Variants in GATB observed in about 807,000 individuals in gnomAD.
GATB encodes glutamyl-tRNA amidotransferase subunit B.
A neutral mutation model predicts 62.3 loss-of-function variants in GATB; 39 were observed. The ratio of observed to expected loss-of-function variants is 0.63; its 90% CI spans 0.48 to 0.82. The LOEUF (loss-of-function observed/expected upper bound fraction) is 0.82. GATB is among the 40% of genes least tolerant of loss of function. The pLI is 0.00. For missense variants in GATB, 670 were observed against 684.0 expected (o/e 0.98, Z 0.23); for synonymous variants, 276 against 258.9 (o/e 1.07, Z -0.63).
At chr4:151,697,965 A>ATATATATATATGTGTATG (rs1738515829) in intron 9 of GATB, among the ~76,000 whole-genome samples, 1 of 109,050 alleles carries the variant, frequency 9.2e-6, no homozygotes, top group African/African-American at 5.0e-5. Context: ...ATATATATAT[A>ATATATATATATGTGTATG]TATATATATA....
intron 2 of GATB, among the ~76,000 whole-genome samples, chr4:151,744,071 T>C (rs535738563): frequency 2.2e-4 from 33 of 152,330 alleles, no homozygotes; most frequent in Non-Finnish European, 4.1e-4. Flanking sequence ...CACACCTCAA[T>C]AGACCTTGAA....
chr4:151,716,661 T>A (rs1738918545), intron 4 of GATB, among the ~76,000 whole-genome samples: 1 of 152,194 alleles, frequency 6.6e-6, no homozygotes, highest in Non-Finnish European at 1.5e-5. Flanking sequence ...TTGTCTAACT[T>A]CAGGGTGAGT....
chr4:151,760,131 G>C (rs1739921909), intron 1 of GATB, among the ~76,000 whole-genome samples: 1 of 152,122 alleles, frequency 6.6e-6, no homozygotes, highest in South Asian at 2.1e-4. Context: ...ATGCCAACTA[G>C]TCTCAAAGAA....
At chr4:151,706,267 G>A (rs1169280598) in intron 6 of GATB, among the ~76,000 whole-genome samples, 1 of 152,214 alleles carries the variant, frequency 6.6e-6, no homozygotes, top group Non-Finnish European at 1.5e-5. Context: ...CAGACCACAG[G>A]GAGATTTCTC....
intron 2 of GATB, among the ~76,000 whole-genome samples, chr4:151,726,287 T>C (rs902548349): frequency 1.3e-5 from 2 of 152,226 alleles, no homozygotes; most frequent in Non-Finnish European, 2.9e-5. Flanking sequence ...AAATTTTCAT[T>C]ACAGTTGAGA....
chr4:151,758,924 T>A lies in GATB; in HGVS notation c.177-2A>T. The stretch of plus-strand genomic sequence containing the variant: ...ACCACAGCAGCCCATTTGTGTTCAC[T>A]AAGAAGAAAGAGATAATGGTTAAGA... On this transcript the variant is annotated splice_acceptor_variant, in intron 1 of 12. Coordinates refer to ENST00000263985, the MANE Select transcript of GATB (RefSeq NM_004564.3). LOFTEE classifies it high-confidence loss of function. 6.3e-7 allele frequency: 1 copy of A among 1,596,746 alleles called. No homozygotes were observed. Among genetic ancestry groups the A allele is most frequent in the Non-Finnish European group, 8.5e-7 (1 of 1,172,216 alleles).
rs777749122 is a variant in GATB, at chr4:151,672,809, C to T, written c.1498G>A (p.Ala500Thr). Residue 500 changes from alanine to threonine, a missense_variant, in exon 12 of 13, where the codon GCA becomes ACA. Coordinates refer to ENST00000263985, the MANE Select transcript of GATB (RefSeq NM_004564.3). ...KQLELMQDQG[A>T]LEQLCHSVME... ...ACAGAGTGGCAGAGCTGCTCCAGTG[C>T]CCCCTGGTCCTGCATCAGTTCAAGC... 5 of 1,614,058 alleles carry T rather than the reference C, an allele frequency of 3.1e-6. No individual in the cohort carries two copies. In the East Asian group the frequency reaches 6.7e-5, roughly 22 times the overall value.
chr4:151,688,728 C>G lies in GATB; in HGVS notation c.1233G>C (p.Val411=). ...TTGGCTCTGCCCTAGTTTCTTTTAT[C>G]ACATTTTGGAAGAACTCCAGTAGGC... The part of the protein sequence containing the change: ...EVGLLEFFQN[V]IKETRAEPKK... Residue 411 remains valine, a synonymous_variant, in exon 10 of 13, where the codon GTG becomes GTC. Transcript: ENST00000263985. The G allele has an allele frequency of 5.0e-6, 8 of 1,610,614 alleles. No homozygotes were observed. The highest frequency in any genetic ancestry group is 6.8e-6 in the Non-Finnish European group (8 of 1,179,054).
At position 151,716,913 on chromosome 4, in the gene GATB, G is replaced by A. The variant is rs1246972228; in HGVS notation, c.603C>T (p.Asn201=). The change falls in exon 4 of 13, where the codon AAC becomes AAT. Residue 201 remains asparagine (N), a synonymous_variant. Transcript: ENST00000263985. ...AATCAATGAGCGTCTGAGACCTCAG[G>A]TTGTCGTGGAGGCTTTTGCCACTGT... ...EQDSGKSLHD[N]LRSQTLIDLN... 1.9e-6 allele frequency: 3 copies of A among 1,614,084 alleles called. No homozygotes were observed. In the African/African-American group the frequency reaches 4.0e-5, roughly 22 times the overall value.
chr4:151,725,894 G>A (rs1031369572), intron 2 of GATB, among the ~76,000 whole-genome samples: 1 of 152,132 alleles, frequency 6.6e-6, no homozygotes, highest in Non-Finnish European at 1.5e-5. Context: ...CTCAATTGGT[G>A]AGCCCATGAT....
chr4:151,731,693 TC>T (rs1191383101), intron 2 of GATB, among the ~76,000 whole-genome samples: 6 of 144,720 alleles, frequency 4.1e-5, no homozygotes, highest in Non-Finnish European at 9.1e-5. Flanking sequence ...CGGCCGCCCA[TC>T]GTCTGAGATG....
chr4:151,671,331 A>G, intron 12 of GATB, 29 bp from the exon 13 acceptor site: 1 of 1,084,152 alleles, frequency 9.2e-7, no homozygotes, highest in Non-Finnish European at 1.3e-6. Context: ...CTTACTTAAG[A>G]GGAGAAAATG....
At chr4:151,683,691 C>T (rs1738190327) in intron 10 of GATB, among the ~76,000 whole-genome samples, 1 of 152,250 alleles carries the variant, frequency 6.6e-6, no homozygotes, top group Non-Finnish European at 1.5e-5. Context: ...CCCTCTGTCA[C>T]ATATGCTTCT....
intron 2 of GATB, among the ~76,000 whole-genome samples, chr4:151,731,181 A>G (rs1356763722): frequency 1.4e-5 from 2 of 145,562 alleles, no homozygotes; most frequent in African/African-American, 5.1e-5. Flanking sequence ...GCTGGACTAT[A>G]CTGCTGCCAT....
At chr4:151,715,184 A>G (rs1248917087) in intron 5 of GATB, among the ~76,000 whole-genome samples, 1 of 152,252 alleles carries the variant, frequency 6.6e-6, no homozygotes, top group East Asian at 1.9e-4. Context: ...ACCATTGTAC[A>G]GTGCTATGGA....
At chr4:151,691,928 G>T (rs1001865243) in intron 9 of GATB, among the ~76,000 whole-genome samples, 4 of 152,156 alleles carry the variant, frequency 2.6e-5, no homozygotes, top group Non-Finnish European at 5.9e-5. Flanking sequence ...AGCTACAAGG[G>T]ACCCCCAGAT....
chr4:151,701,616 G>T, intron 8 of GATB, 98 bp from the exon 9 acceptor site: 2 of 852,286 alleles, frequency 2.3e-6, no homozygotes, highest in Non-Finnish European at 1.6e-6. Flanking sequence ...GTGTTTAGAT[G>T]CCATGTTACT....
intron 11 of GATB, chr4:151,673,958 C>T (rs1737941417): frequency 6.6e-6 from 1 of 152,252 alleles, no homozygotes; most frequent in Admixed American, 6.5e-5. Context: ...GGGAGATGCT[C>T]TGAGTCTCAG....
rs191765970 is a variant in GATB, at chr4:151,680,202, T to C, written c.1332-311A>G. On this transcript the variant is annotated intron_variant, in intron 10 of 12. Transcript: ENST00000263985. ...GAAAAGGAGGTGGCTGCAAAATTCATGAACCACAACAGGAAAGGGAAAACA... is the reference window on the plus strand; with the variant it reads ...GAAAAGGAGGTGGCTGCAAAATTCACGAACCACAACAGGAAAGGGAAAACA... 7.0e-4 allele frequency among the ~76,000 whole-genome samples: 105 copies of C among 151,036 alleles called. 1 individual carries two copies. The South Asian group carries it at 0.014, about 20-fold the overall frequency.
Sources: allele counts gnomAD v4.1 joint callset (sites outside exome capture counted in the v4.1 genomes callset), GRCh38; gene constraint gnomAD v4.1.1; transcripts MANE v1.5; gene names NCBI Gene and HGNC (gene_info 2026-07-23, HGNC 2026-07-21).